ICE1: variants seen among roughly 807,000 people sequenced by gnomAD.
ICE1 encodes interactor of little elongation complex ELL subunit 1, also known as little elongation complex subunit 1.
In ICE1, 64 loss-of-function variants were observed where a neutral mutation model predicts 192.7. The observed-to-expected ratio is 0.33, with a 90% CI of 0.27 to 0.41. ICE1 has a LOEUF of 0.41. Ranked by LOEUF, ICE1 falls within the 10% of genes least tolerant of loss-of-function variation. The pLI is 1.00. For synonymous variants in ICE1, 1,010 were observed against 984.5 expected (o/e 1.03, Z -0.49); for missense variants, 2,708 against 2,696.0 (o/e 1.00, Z -0.10).
Position 5,468,856 on chromosome 5 carries a change from G to A in ICE1, c.6090G>A (p.Leu2030=). 1 of 1,587,232 alleles carries A rather than the reference G, an allele frequency of 6.3e-7. No homozygotes were observed. Among genetic ancestry groups the A allele is most frequent in the Non-Finnish European group, 8.6e-7 (1 of 1,169,238 alleles). The change falls in exon 15 of 19, where the codon TTG becomes TTA. Residue 2030 remains leucine, a synonymous_variant. Coordinates refer to ENST00000296564, the MANE Select transcript of ICE1 (RefSeq NM_015325.3). ...TTCCGGAGTCTGAAAAATTAACTTTGTTTATTGCAAACATGTGGCATGATA... is the reference window on the plus strand; with the variant it reads ...TTCCGGAGTCTGAAAAATTAACTTTATTTATTGCAAACATGTGGCATGATA... ...EDFPESEKLT[L]FIANMWHDIF... is the part of the protein sequence containing the mutation.
In ICE1 at chr5:5,464,808, T is replaced by G; in HGVS notation, c.5474T>G (p.Leu1825Trp). Residue 1825 changes from leucine (L) to tryptophan (W), a missense_variant, in exon 13 of 19, where the codon TTG becomes TGG. Around this residue, in one of 2 missense-constraint regions of ICE1, gnomAD observed 2,366 missense variants for 2,276.6 expected, o/e 1.04. Coordinates refer to ENST00000296564, the MANE Select transcript of ICE1 (RefSeq NM_015325.3). This position sits in a 1 kb window ranked among gnomAD's most constrained non-coding sequence, Gnocchi z 4.0. ...TGTAACCAAGACAAGTCAAGAGATT[T>G]GGGGACTCAGCAGGATTCAAGCGGG... ...GDCNQDKSRD[L>W]GTQQDSSGKR... is the part of the protein sequence containing the mutation. 6.2e-7 allele frequency: 1 copy of G among 1,613,714 alleles called. No individual in the cohort carries two copies. Among genetic ancestry groups the G allele is most frequent in the Non-Finnish European group, 8.5e-7 (1 of 1,179,790 alleles).
Position 5,486,812 on chromosome 5 carries a change from C to A in ICE1, c.6612C>A (p.His2204Gln), listed in dbSNP as rs757207553. Reference protein sequence around the residue: ...SVIGMFIQHAHDEDIPWGIQL... With the variant: ...SVIGMFIQHAQDEDIPWGIQL... ...TTGGTATGTTTATACAGCATGCTCA[C>A]GATGAAGGTAAAACTTACATCTATT... Residue 2204 changes from histidine to glutamine, a missense_variant, in exon 18 of 19, where the codon CAC becomes CAA. By Grantham distance (24) the His-to-Gln change is conservative (BLOSUM62 0). Coordinates refer to ENST00000296564, the MANE Select transcript of ICE1 (RefSeq NM_015325.3). 6.3e-7 allele frequency: 1 copy of A among 1,587,548 alleles called. No individual in the cohort carries two copies. Among genetic ancestry groups the A allele is most frequent in the South Asian group, 1.1e-5 (1 of 87,200 alleles).
chr5:5,487,239 G>C (rs538722198), intron 18 of ICE1, among the ~76,000 whole-genome samples: 20 of 152,280 alleles, frequency 1.3e-4, no homozygotes, highest in Admixed American at 6.5e-4. Context: ...TAGCATCAAG[G>C]GGGGAGAGCT....
At chr5:5,481,979 A>C (rs987617968) in intron 17 of ICE1, among the ~76,000 whole-genome samples, 1 of 152,210 alleles carries the variant, frequency 6.6e-6, no homozygotes, top group African/African-American at 2.4e-5. Context: ...ATTTCTTAAA[A>C]TGTGGTCTCC....
In ICE1 at chr5:5,461,246, G is replaced by A. The variant is rs2111377267; in HGVS notation, c.1912G>A (p.Ala638Thr). 1 of 1,614,004 alleles carries A rather than the reference G, an allele frequency of 6.2e-7. No individual in the cohort carries two copies. The change falls in exon 13 of 19, where the codon GCA becomes ACA. Residue 638 changes from alanine (A) to threonine (T), a missense_variant. Physicochemically the swap from Ala to Thr is moderately conservative, Grantham distance 58 (BLOSUM62 0). This residue lies in a region of ICE1 where 2,366 missense variants were observed against 2,276.6 expected (regional missense o/e 1.04). Transcript: ENST00000296564. Reference sequence around the variant, plus strand: ...TTTTTCTTCCTCTTCTACCTTGGTAGCATTGTCTGTTGGCAGTAATCCCCA... The same window carrying A: ...TTTTTCTTCCTCTTCTACCTTGGTAACATTGTCTGTTGGCAGTAATCCCCA... The part of the protein sequence containing the change: ...TSFSSSSTLV[A>T]LSVGSNPQSS...
chr5:5,429,047 C>T (rs2111330721), intron 1 of ICE1, among the ~76,000 whole-genome samples: 1 of 152,244 alleles, frequency 6.6e-6, no homozygotes, highest in South Asian at 2.1e-4. Flanking sequence ...GCATATGGGG[C>T]AAAGTCTGGG....
chr5:5,457,782 A>G lies in ICE1; in HGVS notation c.1101+41A>G, dbSNP rs571496843. ...TGAATTTGAATTACCAAGTGGGTACATTGTCTATCCTAATATGTCCTTGAT... is the reference window on the plus strand; with the variant it reads ...TGAATTTGAATTACCAAGTGGGTACGTTGTCTATCCTAATATGTCCTTGAT... On this transcript the variant is annotated intron_variant, in intron 12 of 18. Transcript: ENST00000296564. 31 of 1,544,386 alleles carry G rather than the reference A, an allele frequency of 2.0e-5. No individual in the cohort carries two copies. In the South Asian group the frequency reaches 3.0e-4, roughly 15 times the overall value.
Position 5,490,150 on chromosome 5 carries a change from T to G in ICE1, c.*820T>G, listed in dbSNP as rs916775129. ...TTAATAACTCACCATGGTTTTGATT[T>G]GTCTTATATTCGTTATTTCTTAAAA... On this transcript the variant is annotated 3_prime_UTR_variant, in exon 19 of 19. Transcript: ENST00000296564. 2.0e-5 allele frequency: 3 copies of G among 152,262 alleles called. No homozygotes were observed. Among genetic ancestry groups the G allele is most frequent in the Non-Finnish European group, 2.9e-5 (2 of 68,042 alleles). 9.4% of individuals were successfully genotyped at this position (152,262 alleles called of 1,614,324 possible). A position where few individuals can be genotyped will look rare whatever the true frequency, so the allele number is the denominator to read the frequency against.
chr5:5,430,521 T>C (rs1368917752), intron 1 of ICE1, among the ~76,000 whole-genome samples: 6 of 152,220 alleles, frequency 3.9e-5, no homozygotes, highest in African/African-American at 1.4e-4. Flanking sequence ...GCTAGACAGA[T>C]ATACAAGAGT....
At chr5:5,437,183 G>T in intron 3 of ICE1, 69 bp downstream of exon 3, 2 of 1,255,760 alleles carry the variant, frequency 1.6e-6, no homozygotes, top group South Asian at 2.6e-5. Context: ...AAAGAGATGT[G>T]AGAATTGTTC....
intron 7 of ICE1, 86 bp downstream of exon 7, chr5:5,444,412 G>A: frequency 1.1e-6 from 1 of 933,160 alleles, no homozygotes; most frequent in Non-Finnish European, 1.7e-6. Flanking sequence ...TGATCAAATA[G>A]TTGAATTGTT....
In ICE1 at chr5:5,463,708, A is replaced by G. The variant is rs759026361; in HGVS notation, c.4374A>G (p.Glu1458=). 24 of 1,613,802 alleles carry G rather than the reference A, an allele frequency of 1.5e-5. No individual in the cohort carries two copies. The African/African-American group carries it at 2.5e-4, about 17-fold the overall frequency. ...TTTCTCAGGATCAAGGAGAGCTGGA[A>G]GCTGGTTGCATCCCAGTGACTTCTG... ...IPISQDQGEL[E]AGCIPVTSAE... is the part of the protein sequence containing the mutation. Residue 1458 remains glutamate (E), a synonymous_variant, in exon 13 of 19, where the codon GAA becomes GAG. Transcript: ENST00000296564.
intron 1 of ICE1, among the ~76,000 whole-genome samples, chr5:5,425,412 A>G (rs1737491233): frequency 2.6e-5 from 4 of 152,232 alleles, no homozygotes; most frequent in African/African-American, 7.2e-5. Context: ...GCTGTAGACA[A>G]TTCACAAAGA....
chr5:5,489,131 T>A lies in ICE1; in HGVS notation c.6620-18T>A. On this transcript the variant is annotated intron_variant, in intron 18 of 18. Coordinates refer to ENST00000296564, the MANE Select transcript of ICE1 (RefSeq NM_015325.3). ...AGATATTTTCTTGTTTTATGACTGATCTGAAATTTCTTTTCAGATATACCA... is the reference window on the plus strand; with the variant it reads ...AGATATTTTCTTGTTTTATGACTGAACTGAAATTTCTTTTCAGATATACCA... 6.2e-7 allele frequency: 1 copy of A among 1,609,346 alleles called. No individual in the cohort carries two copies.
At chr5:5,467,657 G>A (rs1432144728) in intron 14 of ICE1, among the ~76,000 whole-genome samples, 2 of 152,144 alleles carry the variant, frequency 1.3e-5, no homozygotes, top group East Asian at 3.8e-4. Flanking sequence ...TATTTGTCTT[G>A]TTTCTACTCT....
chr5:5,476,042 T>C lies in ICE1; in HGVS notation c.6483T>C (p.Thr2161=), dbSNP rs755238056. Residue 2161 remains threonine (T), a synonymous_variant, in exon 17 of 19, where the codon ACT becomes ACC. Coordinates refer to ENST00000296564, the MANE Select transcript of ICE1 (RefSeq NM_015325.3). ...AAGGACATGCAAACATTGCGTATAC[T>C]CCTGATATTATTATAGCCTCAATAC... ...YRKGHANIAY[T]PDIIIASILR... 1.2e-5 allele frequency: 20 copies of C among 1,609,714 alleles called. No homozygotes were observed. Among genetic ancestry groups the C allele is most frequent in the Non-Finnish European group, 1.6e-5 (19 of 1,176,948 alleles).
intron 5 of ICE1, 73 bp downstream of exon 5, chr5:5,441,296 G>T: frequency 1.1e-6 from 1 of 947,452 alleles, no homozygotes. Flanking sequence ...TAATTGGGAC[G>T]AGGGGGCTTT....
Position 5,473,540 on chromosome 5 carries a change from T to C in ICE1, c.6223-18T>C, listed in dbSNP as rs1341331843. 1 of 1,595,590 alleles carries C rather than the reference T, an allele frequency of 6.3e-7. No individual in the cohort carries two copies. The highest frequency in any genetic ancestry group is 8.5e-7 in the Non-Finnish European group (1 of 1,174,890). On this transcript the variant is annotated intron_variant, in intron 15 of 18. Coordinates refer to ENST00000296564, the MANE Select transcript of ICE1 (RefSeq NM_015325.3). ...ATTTGAAACTCCAGATTTTATTTTA[T>C]TTCTTTTCATTTGCTAGAATGCCCC... is the stretch of plus-strand genomic sequence containing the variant.
In ICE1 at chr5:5,436,962, A is replaced by C. The variant is rs186836684; in HGVS notation, c.144-118A>C. ...TGATATAGTCATTAATTTAGCATGC[A>C]TTTGTTTCAGGAAATCTAGGAAGTC... On this transcript the variant is annotated intron_variant, in intron 2 of 18. Coordinates refer to ENST00000296564, the MANE Select transcript of ICE1 (RefSeq NM_015325.3). 5.0e-5 allele frequency: 34 copies of C among 679,998 alleles called. No homozygotes were observed. In the African/African-American group the frequency reaches 6.0e-4, roughly 12 times the overall value. 42.1% of individuals were successfully genotyped at this position (679,998 alleles called of 1,614,324 possible). A position where few individuals can be genotyped will look rare whatever the true frequency, so the allele number is the denominator to read the frequency against.
Sources: allele counts gnomAD v4.1 joint callset (sites outside exome capture counted in the v4.1 genomes callset), GRCh38; gene constraint gnomAD v4.1.1; regional missense constraint gnomAD v4.1.1; non-coding constraint Gnocchi (gnomAD v3.1); transcripts MANE v1.5; gene names NCBI Gene and HGNC (gene_info 2026-07-23, HGNC 2026-07-21).